HDAC4: variants seen among roughly 807,000 people sequenced by gnomAD.
HDAC4 encodes the protein histone deacetylase A.
A neutral mutation model predicts 135.1 loss-of-function variants in HDAC4; 16 were observed. The ratio of observed to expected loss-of-function variants is 0.12; its 90% confidence interval spans 0.08 to 0.18. The LOEUF is 0.18. Ranked by LOEUF, HDAC4 falls within the 10% of genes least tolerant of loss-of-function variation. HDAC4 has a pLI of 1.00. For missense variants in HDAC4, 1,143 were observed against 1,511.8 expected (o/e 0.76, Z 4.05); for synonymous variants, 685 against 653.4 (o/e 1.05, Z -0.74).
chr2:239,370,921 T>C (rs750937747), intron 1 of HDAC4, among the ~76,000 whole-genome samples: 6 of 152,242 alleles, frequency 3.9e-5, no homozygotes, highest in Non-Finnish European at 7.3e-5. Flanking sequence ...CCTAGTTGGA[T>C]AGTCGATGAC....
At chr2:239,063,700 C>T (rs1013493095) in intron 24 of HDAC4, among the ~76,000 whole-genome samples, 8 of 152,346 alleles carry the variant, frequency 5.3e-5, no homozygotes, top group Middle Eastern at 3.4e-3. Flanking sequence ...CCCACACCTG[C>T]GAGAGCCCAA....
chr2:239,128,561 T>C (rs1446940962), intron 11 of HDAC4, among the ~76,000 whole-genome samples: 2 of 151,950 alleles, frequency 1.3e-5, no homozygotes, highest in African/African-American at 4.8e-5. Context: ...CATTTCAGAA[T>C]TTTTCAATTG....
intron 7 of HDAC4, among the ~76,000 whole-genome samples, chr2:239,149,893 AG>A (rs1292315108): frequency 6.6e-6 from 1 of 152,082 alleles, no homozygotes; most frequent in Non-Finnish European, 1.5e-5. Flanking sequence ...GCTGCTGGGG[AG>A]GGGGTATCAT....
At chr2:239,371,514 CAT>C (rs1371281274) in intron 1 of HDAC4, among the ~76,000 whole-genome samples, 2 of 152,160 alleles carry the variant, frequency 1.3e-5, no homozygotes, top group Non-Finnish European at 2.9e-5. Context: ...TGCTCACACA[CAT>C]AACCTTAAAC....
chr2:239,384,065 G>C (rs189748075), intron 1 of HDAC4, among the ~76,000 whole-genome samples: 4 of 152,336 alleles, frequency 2.6e-5, no homozygotes. Flanking sequence ...GACACAGACA[G>C]AGAAGCAGCT....
intron 6 of HDAC4, chr2:239,162,101 C>T (rs2042835719): frequency 2.2e-6 from 1 of 456,574 alleles, no homozygotes; most frequent in African/African-American, 2.0e-5. Context: ...CTGCCCTGTG[C>T]TCACCGTGAC....
chr2:239,118,185 C>T (rs755415471), intron 12 of HDAC4, among the ~76,000 whole-genome samples: 10 of 152,180 alleles, frequency 6.6e-5, no homozygotes, highest in African/African-American at 1.7e-4. Context: ...TCAGATTGGG[C>T]GGGGGGTTTG....
chr2:239,192,652 C>G lies in HDAC4; in HGVS notation c.95-2575G>C, dbSNP rs79507509. Among the ~76,000 whole-genome samples, 817 of 152,260 alleles carry G rather than the reference C, an allele frequency of 5.4e-3. 4 individuals carry two copies. Among genetic ancestry groups the G allele is most frequent in the African/African-American group, 0.019 (770 of 41,552 alleles). On this transcript the variant is annotated intron_variant, in intron 3 of 26. Coordinates refer to ENST00000543185, the MANE Select transcript of HDAC4 (RefSeq NM_001378414.1). ...AAATGCTTTCCTGAACACACAGTCT[C>G]GTGAATGACTGTCAGGTTGCGGTTC...
intron 2 of HDAC4, among the ~76,000 whole-genome samples, chr2:239,238,298 G>A (rs2048000756): frequency 6.6e-6 from 1 of 152,200 alleles, no homozygotes; most frequent in Non-Finnish European, 1.5e-5. Context: ...AAAGGTGCCT[G>A]TATGTATGTA....
intron 12 of HDAC4, among the ~76,000 whole-genome samples, chr2:239,121,339 G>A (rs775086766): frequency 7.2e-5 from 11 of 152,180 alleles, no homozygotes; most frequent in Admixed American, 5.2e-4. Flanking sequence ...GATGAATGGC[G>A]GTGGAGGTAG....
intron 17 of HDAC4, among the ~76,000 whole-genome samples, chr2:239,093,085 C>T (rs971511549): frequency 1.3e-5 from 2 of 152,190 alleles, no homozygotes; most frequent in Non-Finnish European, 2.9e-5. Flanking sequence ...GCCAGGACTC[C>T]GCTGGGCGAG....
chr2:239,138,601 T>G (rs1033777257), intron 9 of HDAC4, among the ~76,000 whole-genome samples: 1 of 152,214 alleles, frequency 6.6e-6, no homozygotes, highest in African/African-American at 2.4e-5. Context: ...TGCTAAAGCG[T>G]ACCCCTCCCA....
At chr2:239,155,697 C>G (rs2042381647) in intron 7 of HDAC4, 1 of 152,296 alleles carries the variant, frequency 6.6e-6, no homozygotes, top group Non-Finnish European at 1.5e-5. Context: ...CCGCCCAGAA[C>G]TGGCCAAAAC....
chr2:239,082,058 G>A (rs745992938), intron 21 of HDAC4, 44 bp downstream of exon 21: 77 of 1,110,160 alleles, frequency 6.9e-5, no homozygotes, highest in East Asian at 1.2e-4. Context: ...GCGGCTCCCC[G>A]CAGTCCCCCT....
At chr2:239,106,919 G>A (rs1206598845) in intron 15 of HDAC4, among the ~76,000 whole-genome samples, 4 of 152,184 alleles carry the variant, frequency 2.6e-5, no homozygotes, top group Admixed American at 2.6e-4. Context: ...TCCACCCTGT[G>A]CGCTATCTGT....
intron 2 of HDAC4, among the ~76,000 whole-genome samples, chr2:239,243,439 A>G (rs2048304972): frequency 6.6e-6 from 1 of 152,162 alleles, no homozygotes; most frequent in Non-Finnish European, 1.5e-5. Context: ...GGCGTGAGCC[A>G]CCGCTCCCGG....
chr2:239,396,336 A>G (rs1287984024), intron 1 of HDAC4, among the ~76,000 whole-genome samples: 2 of 152,134 alleles, frequency 1.3e-5, no homozygotes, highest in African/African-American at 4.8e-5. Context: ...ATAATAAATA[A>G]CAGCCAACAT....
chr2:239,312,581 C>G (rs2052935071), intron 2 of HDAC4, among the ~76,000 whole-genome samples: 1 of 152,230 alleles, frequency 6.6e-6, no homozygotes, highest in African/African-American at 2.4e-5. Context: ...TGGGCTTCAG[C>G]AGAAGCCAAG....
intron 1 of HDAC4, among the ~76,000 whole-genome samples, chr2:239,379,891 G>A (rs1256558548): frequency 6.6e-6 from 1 of 152,244 alleles, no homozygotes; most frequent in African/African-American, 2.4e-5. Flanking sequence ...CGCAGACACT[G>A]ACAGTGGGAT....
Sources: gnomAD v4.1 joint callset for allele counts (sites outside exome capture counted in the v4.1 genomes callset) on GRCh38, gnomAD v4.1.1 for gene constraint, MANE v1.5 for transcripts, NCBI Gene and HGNC (gene_info 2026-07-23, HGNC 2026-07-21) for gene names.